LRRC28: variants seen among roughly 807,000 people sequenced by gnomAD.
The protein encoded by LRRC28 is leucine-rich repeat-containing protein 28.
A neutral mutation model predicts 45.7 loss-of-function variants in LRRC28; 39 were observed. That is an observed-to-expected ratio of 0.85 (90% confidence interval 0.66 to 1.12). The LOEUF is 1.12. LRRC28 is among the 50% of genes most tolerant of loss of function. LRRC28 has a pLI of 0.00. For missense variants in LRRC28, 435 were observed against 438.5 expected (o/e 0.99, Z 0.07); for synonymous variants, 206 against 178.8 (o/e 1.15, Z -1.22).
At chr15:99,336,575 C>T (rs1416828330) in intron 6 of LRRC28, among the ~76,000 whole-genome samples, 1 of 152,140 alleles carries the variant, frequency 6.6e-6, no homozygotes, top group Admixed American at 6.5e-5. Flanking sequence ...CTCATTCAAT[C>T]TCTCTCTCTA....
chr15:99,358,674 T>C (rs1203370188), intron 7 of LRRC28, among the ~76,000 whole-genome samples: 1 of 152,068 alleles, frequency 6.6e-6, no homozygotes, highest in African/African-American at 2.4e-5. Context: ...AATTCAGAGG[T>C]AAATGATAGT....
chr15:99,325,353 A>G (rs1955937624), intron 5 of LRRC28, among the ~76,000 whole-genome samples: 1 of 152,150 alleles, frequency 6.6e-6, no homozygotes, highest in Non-Finnish European at 1.5e-5. Context: ...AGTATTTTCT[A>G]CTAAGGATCA....
intron 6 of LRRC28, among the ~76,000 whole-genome samples, chr15:99,341,874 C>G (rs986371365): frequency 6.6e-6 from 1 of 152,114 alleles, no homozygotes; most frequent in Admixed American, 6.5e-5. Flanking sequence ...GACTTAAAAG[C>G]AAGAATCTGG....
At chr15:99,273,170 G>A (rs2081526095) in intron 2 of LRRC28, among the ~76,000 whole-genome samples, 1 of 152,222 alleles carries the variant, frequency 6.6e-6, no homozygotes, top group African/African-American at 2.4e-5. Context: ...GTCACAGCCT[G>A]TGCAAGGGCT....
intron 5 of LRRC28, among the ~76,000 whole-genome samples, chr15:99,313,028 A>G (rs1250937420): frequency 6.6e-6 from 1 of 152,222 alleles, no homozygotes; most frequent in Non-Finnish European, 1.5e-5. Context: ...CCCAAACTAT[A>G]TTTTGTCAGA....
chr15:99,271,558 TG>T (rs2081480082), intron 2 of LRRC28, among the ~76,000 whole-genome samples: 1 of 152,138 alleles, frequency 6.6e-6, no homozygotes, highest in African/African-American at 2.4e-5. Context: ...ATTACAGGCG[TG>T]AGCCACCGCA....
At chr15:99,254,278 G>A (rs188563207) in intron 1 of LRRC28, among the ~76,000 whole-genome samples, 4 of 152,298 alleles carry the variant, frequency 2.6e-5, no homozygotes, top group Non-Finnish European at 4.4e-5. Context: ...GGATCCTTAC[G>A]TTGCTTTGGA....
chr15:99,325,843 A>G (rs1382735332), intron 5 of LRRC28, among the ~76,000 whole-genome samples: 1 of 152,204 alleles, frequency 6.6e-6, no homozygotes, highest in African/African-American at 2.4e-5. Context: ...ATTGATGTGC[A>G]GCAGAAAGCC....
intron 7 of LRRC28, among the ~76,000 whole-genome samples, chr15:99,354,842 A>G (rs74686184): frequency 0.02 from 3,064 of 152,316 alleles, 103 homozygotes; most frequent in African/African-American, 0.069. Flanking sequence ...GGCTTGGGAT[A>G]TAAGAACAGT....
At chr15:99,318,185 AAT>A in intron 5 of LRRC28, among the ~76,000 whole-genome samples, 1 of 152,302 alleles carries the variant, frequency 6.6e-6, no homozygotes, top group East Asian at 1.9e-4. Context: ...GACCCTCAGC[AAT>A]ATAGATTTGC....
At chr15:99,255,417 A>C (rs1450077134) in intron 1 of LRRC28, among the ~76,000 whole-genome samples, 2 of 152,202 alleles carry the variant, frequency 1.3e-5, no homozygotes, top group African/African-American at 4.8e-5. Flanking sequence ...AGAATATAGG[A>C]CAATATTTAT....
At chr15:99,332,638 T>TA (rs1260747040) in intron 5 of LRRC28, among the ~76,000 whole-genome samples, 6 of 152,162 alleles carry the variant, frequency 3.9e-5, no homozygotes, top group African/African-American at 1.4e-4. Flanking sequence ...TTTAAAAATG[T>TA]AAAAAACCAG....
At chr15:99,314,980 T>G (rs1254011295) in intron 5 of LRRC28, among the ~76,000 whole-genome samples, 1 of 152,228 alleles carries the variant, frequency 6.6e-6, no homozygotes, top group African/African-American at 2.4e-5. Flanking sequence ...TATATACAAC[T>G]TTAAATCTTG....
chr15:99,262,858 C>T (rs1366096559), intron 2 of LRRC28, among the ~76,000 whole-genome samples: 1 of 151,664 alleles, frequency 6.6e-6, no homozygotes, highest in Non-Finnish European at 1.5e-5. Flanking sequence ...CTGTGTTGCC[C>T]AGGCTGGTCT....
intron 5 of LRRC28, among the ~76,000 whole-genome samples, chr15:99,302,723 G>A (rs1955030078): frequency 6.6e-6 from 1 of 152,174 alleles, no homozygotes; most frequent in East Asian, 1.9e-4. Context: ...TTTATTGCTA[G>A]CCTTTGTTCT....
At chr15:99,356,430 A>AG (rs1449215395) in intron 7 of LRRC28, among the ~76,000 whole-genome samples, 10 of 152,256 alleles carry the variant, frequency 6.6e-5, no homozygotes, top group African/African-American at 2.2e-4. Context: ...ACTTCATGGC[A>AG]GAATGGTTGG....
At chr15:99,346,974 A>T (rs1225092633) in intron 6 of LRRC28, among the ~76,000 whole-genome samples, 1 of 152,208 alleles carries the variant, frequency 6.6e-6, no homozygotes, top group Non-Finnish European at 1.5e-5. Flanking sequence ...TAAAGTGGTT[A>T]CTGTAGACAA....
chr15:99,385,549 C>T (rs191041432), intron 9 of LRRC28, among the ~76,000 whole-genome samples: 37 of 152,336 alleles, frequency 2.4e-4, no homozygotes, highest in Admixed American at 1.8e-3. Context: ...ATGACCTCTA[C>T]GAGCAACCTA....
chr15:99,366,016 G>A (rs1957330960), intron 9 of LRRC28, among the ~76,000 whole-genome samples: 1 of 152,282 alleles, frequency 6.6e-6, no homozygotes, highest in African/African-American at 2.4e-5. Context: ...CTTTTCCCAA[G>A]CATGTATGGG....
Sources: allele counts gnomAD v4.1 joint callset (sites outside exome capture counted in the v4.1 genomes callset), GRCh38; gene constraint gnomAD v4.1.1; transcripts MANE v1.5; gene names NCBI Gene and HGNC (gene_info 2026-07-23, HGNC 2026-07-21).